The following ADAMTSL1 variants were observed in gnomAD, a reference collection of about 807,000 sequenced individuals.
The protein encoded by ADAMTSL1 is ADAMTS-like protein 1.
ADAMTSL1 carries 126 observed loss-of-function variants against 201.8 expected under a neutral mutation model. The ratio of observed to expected loss-of-function variants is 0.62; its 90% confidence interval spans 0.54 to 0.72. The LOEUF (loss-of-function observed/expected upper bound fraction) is 0.72. Among genes scored for constraint, ADAMTSL1 ranks in the 30% least tolerant of loss-of-function variants. ADAMTSL1 has a pLI of 0.00. For synonymous variants in ADAMTSL1, 1,121 were observed against 903.4 expected, an observed-to-expected ratio of 1.24 and a Z score of -4.32; for missense variants, 2,679 against 2,277.8, an observed-to-expected ratio of 1.18 and a Z score of -3.59.
intron 2 of ADAMTSL1, among the ~76,000 whole-genome samples, chr9:18,228,769 T>A (rs1304313085): frequency 6.6e-6 from 1 of 152,134 alleles, no homozygotes; most frequent in Non-Finnish European, 1.5e-5. Context: ...TAAGTCGAGT[T>A]TTAATTTCCT....
chr9:18,344,656 C>T (rs572816524), intron 2 of ADAMTSL1, among the ~76,000 whole-genome samples: 1 of 152,070 alleles, frequency 6.6e-6, no homozygotes, highest in Non-Finnish European at 1.5e-5. Context: ...TTGTTGAATC[C>T]TAGTGTTCCC....
intron 17 of ADAMTSL1, among the ~76,000 whole-genome samples, chr9:18,774,869 G>T (rs539731415): frequency 2.0e-5 from 3 of 152,262 alleles, no homozygotes; most frequent in South Asian, 2.1e-4. Context: ...TTGTGTGGAT[G>T]TATGTTTTTG....
chr9:18,746,602 G>A (rs1211296989), intron 15 of ADAMTSL1, among the ~76,000 whole-genome samples: 1 of 152,068 alleles, frequency 6.6e-6, no homozygotes, highest in African/African-American at 2.4e-5. Flanking sequence ...GGTAAAAGAA[G>A]GTTCTTAGGG....
intron 1 of ADAMTSL1, 84 bp from the exon 2 acceptor site, chr9:18,504,745 A>G (rs763189325): frequency 5.7e-6 from 9 of 1,586,552 alleles, no homozygotes; most frequent in Non-Finnish European, 7.8e-6. Context: ...ATGTACACAC[A>G]CGTACAGGCC....
intron 4 of ADAMTSL1, among the ~76,000 whole-genome samples, chr9:18,601,145 G>A (rs748793583): frequency 2.0e-5 from 3 of 152,098 alleles, no homozygotes; most frequent in Non-Finnish European, 4.4e-5. Flanking sequence ...CTCCAGAATA[G>A]GACAATAAGT....
chr9:18,380,781 C>T (rs943867762), intron 2 of ADAMTSL1, among the ~76,000 whole-genome samples: 4 of 152,206 alleles, frequency 2.6e-5, no homozygotes, highest in Admixed American at 2.6e-4. Context: ...AGGCTGAGTT[C>T]ACCTCCGTTT....
At chr9:18,325,322 A>G (rs983444585) in intron 2 of ADAMTSL1, among the ~76,000 whole-genome samples, 1 of 152,226 alleles carries the variant, frequency 6.6e-6, no homozygotes, top group Non-Finnish European at 1.5e-5. Flanking sequence ...AAGCCAGCCT[A>G]ATGTTGGAAT....
rs1390373890 is a variant in ADAMTSL1, at chr9:18,291,735, TCTCTCTCTCTCTCACACACA to T, written c.207+127756_207+127775del. ...CTCTCTTTCTCTCTCTCTCTCTCTCTCTCTCTCTCTCTCACACACACACACACACACACACACACACACAT... is the reference window on the plus strand; with the variant it reads ...CTCTCTTTCTCTCTCTCTCTCTCTCTCACACACACACACACACACACACAT... On this transcript the variant is annotated intron_variant, in intron 2 of 29. Transcript: ENST00000680146. Among the ~76,000 whole-genome samples, 604 of 123,154 alleles carry T rather than the reference TCTCTCTCTCTCTCACACACA, an allele frequency of 4.9e-3. 5 individuals carry two copies. Among genetic ancestry groups the T allele is most frequent in the African/African-American group, 0.017 (556 of 32,096 alleles). 80.8% of individuals were successfully genotyped at this position (123,154 alleles called of 152,430 possible).
At chr9:18,345,360 A>T (rs766296383) in intron 2 of ADAMTSL1, among the ~76,000 whole-genome samples, 3 of 152,194 alleles carry the variant, frequency 2.0e-5, no homozygotes, top group East Asian at 3.9e-4. Context: ...AGTTGTTTCT[A>T]AGAAGAACTA....
At chr9:18,533,524 C>G (rs1280689177) in intron 3 of ADAMTSL1, among the ~76,000 whole-genome samples, 3 of 152,256 alleles carry the variant, frequency 2.0e-5, no homozygotes, top group Middle Eastern at 3.4e-3. Context: ...AACAAGGACT[C>G]TACATTTCCT....
chr9:18,626,413 G>A (rs1276659371), intron 5 of ADAMTSL1, among the ~76,000 whole-genome samples: 3 of 152,208 alleles, frequency 2.0e-5, no homozygotes, highest in African/African-American at 7.2e-5. Context: ...TCACCATGCA[G>A]AAGTCAGGGA....
intron 2 of ADAMTSL1, among the ~76,000 whole-genome samples, chr9:18,518,078 T>C (rs1340703206): frequency 6.6e-6 from 1 of 152,300 alleles, no homozygotes; most frequent in Admixed American, 6.5e-5. Context: ...ACCAAGCATG[T>C]TGCTAGATTC....
chr9:18,185,807 C>A (rs1427541545), intron 2 of ADAMTSL1, among the ~76,000 whole-genome samples: 1 of 151,970 alleles, frequency 6.6e-6, no homozygotes, highest in Admixed American at 6.6e-5. Context: ...TTGGTTATGT[C>A]ATGTAAAATA....
chr9:18,209,698 T>C (rs1829792303), intron 2 of ADAMTSL1, among the ~76,000 whole-genome samples: 1 of 152,200 alleles, frequency 6.6e-6, no homozygotes, highest in African/African-American at 2.4e-5. Context: ...CCCTTATTCA[T>C]GTAAACACAC....
chr9:18,728,971 G>T (rs1399487513), intron 15 of ADAMTSL1, among the ~76,000 whole-genome samples: 1 of 152,234 alleles, frequency 6.6e-6, no homozygotes, highest in African/African-American at 2.4e-5. Flanking sequence ...GAAAATGGTG[G>T]TTAGCTTTTA....
At chr9:18,634,502 G>A (rs1418586653) in intron 5 of ADAMTSL1, among the ~76,000 whole-genome samples, 1 of 152,002 alleles carries the variant, frequency 6.6e-6, no homozygotes, top group Non-Finnish European at 1.5e-5. Flanking sequence ...AGCTAAGGCT[G>A]CAGTGAGCTG....
chr9:18,469,874 T>C (rs957112436), upstream of ADAMTSL1, among the ~76,000 whole-genome samples: 2 of 152,106 alleles, frequency 1.3e-5, no homozygotes, highest in Non-Finnish European at 2.9e-5. Flanking sequence ...TGCAAGGGAG[T>C]CTAGAAAATG....
intron 2 of ADAMTSL1, among the ~76,000 whole-genome samples, chr9:18,517,894 A>G (rs1818459447): frequency 6.6e-6 from 1 of 152,198 alleles, no homozygotes; most frequent in South Asian, 2.1e-4. Context: ...CTTGTAGAAC[A>G]GATGTGAGGC....
rs1009365821 is a variant in ADAMTSL1, at chr9:18,854,479, G to T, written c.4249+24502G>T. On this transcript the variant is annotated intron_variant, in intron 23 of 28. Coordinates refer to ENST00000380548, the MANE Select transcript of ADAMTSL1 (RefSeq NM_001040272.6). ...GGAATACTGGTTGCCTGTGAGAAGA[G>T]GAACCAGGTAGTTGAGGGAGATGGG... is the stretch of plus-strand genomic sequence containing the variant. Among the ~76,000 whole-genome samples the T allele has an allele frequency of 3.9e-5, 6 of 152,176 alleles. No individual in the cohort carries two copies. The South Asian group carries it at 1.2e-3, about 31-fold the overall frequency.
Sources: gnomAD v4.1 joint callset for allele counts (sites outside exome capture counted in the v4.1 genomes callset) on GRCh38, gnomAD v4.1.1 for gene constraint, MANE v1.5 for transcripts, NCBI Gene and HGNC (gene_info 2026-07-23, HGNC 2026-07-21) for gene names.